The following LSAMP variants were observed in gnomAD, a reference collection of about 807,000 sequenced individuals.
LSAMP encodes limbic system associated membrane protein.
LSAMP carries 7 observed loss-of-function variants against 38.6 expected under a neutral mutation model. The observed-to-expected ratio is 0.18, with a 90% CI of 0.10 to 0.34. The LOEUF is 0.34. LSAMP is among the 10% of genes least tolerant of loss of function. The pLI is 1.00. For missense variants in LSAMP, 313 were observed against 420.0 expected (o/e 0.75, Z 2.23); for synonymous variants, 154 against 166.8 (o/e 0.92, Z 0.59).
chr3:116,388,346 T>C (rs1242614550), intron 1 of LSAMP, among the ~76,000 whole-genome samples: 2 of 152,160 alleles, frequency 1.3e-5, no homozygotes, highest in East Asian at 3.9e-4. Context: ...TTGTTTGTTT[T>C]AGCTTTTGAT....
intron 3 of LSAMP, among the ~76,000 whole-genome samples, chr3:115,936,852 C>T (rs950272777): frequency 1.3e-5 from 2 of 152,032 alleles, no homozygotes; most frequent in African/African-American, 4.8e-5. Flanking sequence ...AATTCTGACT[C>T]TAGGAAGTTT....
chr3:115,837,860 G>A (rs1934846522), intron 6 of LSAMP: 1 of 152,206 alleles, frequency 6.6e-6, no homozygotes, highest in South Asian at 2.1e-4. Flanking sequence ...AGAAGCACAA[G>A]TACATAGTAC....
chr3:116,288,980 C>A (rs1339346340), intron 1 of LSAMP, among the ~76,000 whole-genome samples: 1 of 152,156 alleles, frequency 6.6e-6, no homozygotes, highest in Non-Finnish European at 1.5e-5. Context: ...TTTTAAATTC[C>A]ATGAGTTTAT....
At chr3:115,995,599 T>C (rs1013502790) in intron 3 of LSAMP, among the ~76,000 whole-genome samples, 2 of 152,162 alleles carry the variant, frequency 1.3e-5, no homozygotes, top group African/African-American at 4.8e-5. Flanking sequence ...TTTAGGGTTT[T>C]TTCCCCCCAA....
intron 3 of LSAMP, among the ~76,000 whole-genome samples, chr3:115,970,326 T>C (rs1200649831): frequency 3.3e-5 from 5 of 152,174 alleles, no homozygotes; most frequent in African/African-American, 7.2e-5. Context: ...CTAGGATAGA[T>C]TGCTTTTCCC....
intron 1 of LSAMP, among the ~76,000 whole-genome samples, chr3:116,243,239 T>C (rs2046562373): frequency 6.6e-6 from 1 of 152,140 alleles, no homozygotes; most frequent in Admixed American, 6.5e-5. Flanking sequence ...GAGAGAAATA[T>C]TCTAACTGTT....
intron 1 of LSAMP, among the ~76,000 whole-genome samples, chr3:116,215,261 G>C (rs1467973807): frequency 6.6e-6 from 1 of 152,162 alleles, no homozygotes; most frequent in Non-Finnish European, 1.5e-5. Context: ...TTCCATCTAT[G>C]ATGAAATCTT....
At chr3:116,091,684 G>A (rs1189057147) in intron 1 of LSAMP, among the ~76,000 whole-genome samples, 1 of 152,194 alleles carries the variant, frequency 6.6e-6, no homozygotes, top group East Asian at 1.9e-4. Flanking sequence ...GCTAAAGCAG[G>A]AAGATAAAAA....
At chr3:115,826,642 C>A (rs80040429) in intron 6 of LSAMP, among the ~76,000 whole-genome samples, 4,003 of 152,222 alleles carry the variant, frequency 0.026, 75 homozygotes, top group Non-Finnish European at 0.039. Context: ...CGGCTCAGAG[C>A]AAATACTAAG....
intron 3 of LSAMP, among the ~76,000 whole-genome samples, chr3:115,947,762 G>A (rs1303229492): frequency 6.6e-6 from 1 of 152,150 alleles, no homozygotes; most frequent in East Asian, 1.9e-4. Flanking sequence ...ATACTAGTTT[G>A]TGCATGAGCT....
At chr3:115,960,087 C>A (rs1290224650) in intron 3 of LSAMP, among the ~76,000 whole-genome samples, 1 of 152,066 alleles carries the variant, frequency 6.6e-6, no homozygotes, top group African/African-American at 2.4e-5. Context: ...GTCCCCTGCA[C>A]CCCAAGTTCA....
chr3:116,417,667 C>T (rs1043514948), intron 1 of LSAMP, among the ~76,000 whole-genome samples: 1 of 152,102 alleles, frequency 6.6e-6, no homozygotes, highest in Non-Finnish European at 1.5e-5. Context: ...GAGAGTTTGG[C>T]TTACATCTTG....
At chr3:115,891,784 T>C (rs1400063566) in intron 3 of LSAMP, among the ~76,000 whole-genome samples, 1 of 151,920 alleles carries the variant, frequency 6.6e-6, no homozygotes, top group Non-Finnish European at 1.5e-5. Context: ...CCTCCCACCA[T>C]CCCTCTTCTC....
chr3:115,951,621 G>C (rs987268179), intron 3 of LSAMP, among the ~76,000 whole-genome samples: 1 of 152,180 alleles, frequency 6.6e-6, no homozygotes, highest in Non-Finnish European at 1.5e-5. Flanking sequence ...TCAGCTGCCA[G>C]TGTGGCCAGA....
At position 116,095,531 on chromosome 3, in the gene LSAMP, C is replaced by A. The variant is rs76454568; in HGVS notation, c.156-8975G>T. Among the ~76,000 whole-genome samples, 434 of 152,342 alleles carry A rather than the reference C, an allele frequency of 2.8e-3. 2 individuals carry two copies. Among genetic ancestry groups the A allele is most frequent in the African/African-American group, 9.4e-3 (389 of 41,578 alleles). ...CAATTAAGTCCTGAATGTGTCTCAACAAACTCCCTTCCGGCACCATCTGTA... is the reference window on the plus strand; with the variant it reads ...CAATTAAGTCCTGAATGTGTCTCAAAAAACTCCCTTCCGGCACCATCTGTA... On this transcript the variant is annotated intron_variant, in intron 1 of 6. Transcript: ENST00000490035.
intron 1 of LSAMP, among the ~76,000 whole-genome samples, chr3:116,163,857 AT>A (rs1188728347): frequency 6.6e-6 from 1 of 151,942 alleles, no homozygotes; most frequent in Non-Finnish European, 1.5e-5. Context: ...TTTTTTAAAG[AT>A]TTTTCCTTAA....
At chr3:115,886,775 G>T (rs1273601609) in intron 3 of LSAMP, among the ~76,000 whole-genome samples, 1 of 151,868 alleles carries the variant, frequency 6.6e-6, no homozygotes, top group Non-Finnish European at 1.5e-5. Context: ...TGGAGCAGTT[G>T]TTTCTGAGAA....
intron 6 of LSAMP, among the ~76,000 whole-genome samples, chr3:115,826,316 C>T (rs749469691): frequency 8.6e-5 from 13 of 151,894 alleles, no homozygotes; most frequent in Admixed American, 2.6e-4. Flanking sequence ...GGGGTTTCAC[C>T]GTGTTAGCCA....
intron 1 of LSAMP, among the ~76,000 whole-genome samples, chr3:116,354,956 G>A (rs2048202000): frequency 6.6e-6 from 1 of 151,804 alleles, no homozygotes; most frequent in Non-Finnish European, 1.5e-5. Context: ...CAAATGGCAT[G>A]ACTGATTCTC....
Sources: gnomAD v4.1 joint callset for allele counts (sites outside exome capture counted in the v4.1 genomes callset) on GRCh38, gnomAD v4.1.1 for gene constraint, MANE v1.5 for transcripts, NCBI Gene and HGNC (gene_info 2026-07-23, HGNC 2026-07-21) for gene names.